PLCB1: variants seen among roughly 807,000 people sequenced by gnomAD.
The protein encoded by PLCB1 is phospholipase C beta 1, also known as 1-phosphatidylinositol 4,5-bisphosphate phosphodiesterase beta-1.
In PLCB1, 46 loss-of-function variants were observed where a neutral mutation model predicts 161.8. That is an observed-to-expected ratio of 0.28 (90% confidence interval 0.22 to 0.36). The LOEUF (loss-of-function observed/expected upper bound fraction) is 0.36, where lower values mean the gene tolerates loss of function less well. Among genes scored for constraint, PLCB1 ranks in the 10% least tolerant of loss-of-function variants. PLCB1 has a pLI of 1.00. For missense variants in PLCB1, 1,016 were observed against 1,472.5 expected (o/e 0.69, Z 5.07); for synonymous variants, 517 against 503.7 (o/e 1.03, Z -0.35).
chr20:8,168,193 A>G (rs2051694451), intron 2 of PLCB1, among the ~76,000 whole-genome samples: 1 of 152,192 alleles, frequency 6.6e-6, no homozygotes, highest in African/African-American at 2.4e-5. Flanking sequence ...AATAGATGCC[A>G]CCTATTGATG....
At position 8,882,033 on chromosome 20, in the gene PLCB1, G is replaced by A. The variant is rs1347438317; in HGVS notation, c.*184G>A. The stretch of plus-strand genomic sequence containing the variant: ...CCCATGCCCAGGCTCCATGTGTCAT[G>A]TGGAAACCTCCACAGGTCTGCTAGT... On this transcript the variant is annotated 3_prime_UTR_variant, in exon 32 of 32. Coordinates refer to ENST00000338037, the MANE Select transcript of PLCB1 (RefSeq NM_015192.4). 1 of 588,450 alleles carries A rather than the reference G, an allele frequency of 1.7e-6. No individual in the cohort carries two copies. The allele number at this position is 588,450 out of a possible 1,614,324, so 36.5% of individuals were successfully genotyped here.
At chr20:8,712,381 C>G (rs1413260021) in intron 12 of PLCB1, among the ~76,000 whole-genome samples, 2 of 152,110 alleles carry the variant, frequency 1.3e-5, no homozygotes, top group Admixed American at 1.3e-4. Context: ...CTGAAGTCAC[C>G]TATCCATAGA....
intron 10 of PLCB1, among the ~76,000 whole-genome samples, chr20:8,687,454 G>A (rs1990385282): frequency 6.6e-6 from 1 of 152,184 alleles, no homozygotes; most frequent in Non-Finnish European, 1.5e-5. Context: ...CACCCGAGCA[G>A]TATACACTGA....
At chr20:8,765,839 C>T (rs1033829798) in intron 26 of PLCB1, among the ~76,000 whole-genome samples, 3 of 152,128 alleles carry the variant, frequency 2.0e-5, no homozygotes, top group African/African-American at 7.2e-5. Context: ...GCCACTACGC[C>T]TGGCGAATTT....
intron 2 of PLCB1, among the ~76,000 whole-genome samples, chr20:8,232,958 T>C (rs1980138363): frequency 1.3e-5 from 2 of 152,176 alleles, no homozygotes; most frequent in African/African-American, 4.8e-5. Context: ...GAAATATGTA[T>C]ACATTTTTTC....
chr20:8,726,794 C>T (rs1044913688), intron 16 of PLCB1, among the ~76,000 whole-genome samples: 1 of 152,068 alleles, frequency 6.6e-6, no homozygotes, highest in African/African-American at 2.4e-5. Context: ...TTCCAAGGAC[C>T]TTTCTGTTTT....
chr20:8,495,237 T>C (rs545496983), intron 3 of PLCB1, among the ~76,000 whole-genome samples: 6 of 152,166 alleles, frequency 3.9e-5, no homozygotes, highest in Non-Finnish European at 8.8e-5. Context: ...TCATTATGTC[T>C]ATTTTATACT....
chr20:8,536,626 G>A (rs1388989537), intron 3 of PLCB1, among the ~76,000 whole-genome samples: 1 of 152,106 alleles, frequency 6.6e-6, no homozygotes, highest in Non-Finnish European at 1.5e-5. Context: ...CCATATCTCC[G>A]TGCTCCTATC....
At chr20:8,648,301 G>A (rs1254979776) in intron 6 of PLCB1, among the ~76,000 whole-genome samples, 11 of 152,296 alleles carry the variant, frequency 7.2e-5, no homozygotes, top group African/African-American at 2.6e-4. Flanking sequence ...CAAGATGGCT[G>A]TAGCCCTCAA....
chr20:8,767,481 G>T (rs561524044), intron 26 of PLCB1, among the ~76,000 whole-genome samples: 1 of 152,140 alleles, frequency 6.6e-6, no homozygotes, highest in Non-Finnish European at 1.5e-5. Context: ...TGATGAGATA[G>T]GGCAGTTAGG....
At chr20:8,801,128 T>C (rs1448476198) in intron 31 of PLCB1, among the ~76,000 whole-genome samples, 2 of 152,060 alleles carry the variant, frequency 1.3e-5, no homozygotes, top group African/African-American at 2.4e-5. Flanking sequence ...TTTCTTCCCT[T>C]CCTCCTTGAT....
Position 8,147,327 on chromosome 20 carries a change from G to A in PLCB1, c.100-2967G>A, listed in dbSNP as rs60232245. Among the ~76,000 whole-genome samples, 1,270 of 152,284 alleles carry A rather than the reference G, an allele frequency of 8.3e-3. 21 individuals carry two copies. The highest frequency in any genetic ancestry group is 0.028 in the African/African-American group (1,173 of 41,564). On this transcript the variant is annotated intron_variant, in intron 1 of 31. Transcript: ENST00000338037. ...TATGAAATACACACATGTTATAGAT[G>A]TTGATGGAGAGGTAAAGGATTAAAA...
chr20:8,228,515 G>T (rs1979824486), intron 2 of PLCB1, among the ~76,000 whole-genome samples: 1 of 151,810 alleles, frequency 6.6e-6, no homozygotes, highest in Non-Finnish European at 1.5e-5. Flanking sequence ...TTTCTGTTTT[G>T]TTTCGTTTCT....
intron 3 of PLCB1, among the ~76,000 whole-genome samples, chr20:8,549,917 ATTCTTTCTCCTGCTGCCCTG>A (rs1459208308): frequency 1.3e-5 from 2 of 152,106 alleles, no homozygotes; most frequent in Non-Finnish European, 2.9e-5. Context: ...TTTGGCACTC[ATTCTTTCTCCTGCTGCCCTG>A]TGAAGAGGTG....
intron 15 of PLCB1, among the ~76,000 whole-genome samples, chr20:8,723,997 G>A (rs1320018048): frequency 6.6e-6 from 1 of 150,550 alleles, no homozygotes; most frequent in Non-Finnish European, 1.5e-5. Context: ...ATTGTACAGT[G>A]AATTCTTAAT....
chr20:8,390,591 A>AT (rs777721843), intron 3 of PLCB1, among the ~76,000 whole-genome samples: 6 of 152,266 alleles, frequency 3.9e-5, no homozygotes, highest in Non-Finnish European at 5.9e-5. Context: ...AGAAAAGTAG[A>AT]TTTTTTTCTT....
At chr20:8,865,280 T>C (rs1194845942) in intron 31 of PLCB1, among the ~76,000 whole-genome samples, 1 of 152,204 alleles carries the variant, frequency 6.6e-6, no homozygotes, top group Admixed American at 6.5e-5. Context: ...GTACTCAAGA[T>C]TTATAGTTAG....
intron 3 of PLCB1, 130 bp from the exon 4 acceptor site, chr20:8,628,164 C>T: frequency 1.4e-6 from 1 of 727,008 alleles, no homozygotes. Context: ...GCCTTAAACT[C>T]CTACAATTTT....
chr20:8,552,291 CA>C (rs908902586), intron 3 of PLCB1, among the ~76,000 whole-genome samples: 1 of 152,064 alleles, frequency 6.6e-6, no homozygotes, highest in Non-Finnish European at 1.5e-5. Flanking sequence ...ATGTAACGTA[CA>C]GCTTTTCCTT....
Sources: gnomAD v4.1 joint callset for allele counts (sites outside exome capture counted in the v4.1 genomes callset) on GRCh38, gnomAD v4.1.1 for gene constraint, MANE v1.5 for transcripts, NCBI Gene and HGNC (gene_info 2026-07-23, HGNC 2026-07-21) for gene names.